The following RBFOX1 variants were observed in gnomAD, a reference collection of about 807,000 sequenced individuals.
RBFOX1 encodes the protein RNA binding fox-1 homolog 1, also known as RNA binding protein fox-1 homolog 1.
A neutral mutation model predicts 57.7 loss-of-function variants in RBFOX1; 8 were observed. The ratio of observed to expected loss-of-function variants is 0.14; its 90% CI spans 0.08 to 0.25. The LOEUF is 0.25. Ranked by LOEUF, RBFOX1 falls within the 10% of genes least tolerant of loss-of-function variation. RBFOX1 has a pLI of 1.00. For missense variants in RBFOX1, 611 were observed against 548.5 expected, an observed-to-expected ratio of 1.11 and a Z score of -1.14; for synonymous variants, 326 against 222.4, an observed-to-expected ratio of 1.47 and a Z score of -4.15.
chr16:5,296,449 G>T (rs1247942540), intron 1 of RBFOX1, among the ~76,000 whole-genome samples: 1 of 152,050 alleles, frequency 6.6e-6, no homozygotes, highest in African/African-American at 2.4e-5. Context: ...TAATTGAAAA[G>T]TATGTGGATG....
At position 5,647,183 on chromosome 16, in the gene RBFOX1, G is replaced by A. The variant is rs563654098; in HGVS notation, c.318+48222G>A. ...GACCAGTGATATGTGGGTGGCATGT[G>A]CACCGTTTCACTGAATATGAACCCC... On this transcript the variant is annotated intron_variant, in intron 3 of 19. Coordinates refer to the RBFOX1 transcript ENST00000641259. Among the ~76,000 whole-genome samples, 6 of 152,298 alleles carry A rather than the reference G, an allele frequency of 3.9e-5. No homozygotes were observed. The South Asian group carries it at 1.2e-3, about 32-fold the overall frequency.
chr16:5,663,788 G>C (rs2049739820), intron 3 of RBFOX1, among the ~76,000 whole-genome samples: 2 of 152,188 alleles, frequency 1.3e-5, no homozygotes, highest in Non-Finnish European at 2.9e-5. Context: ...GTCTGTATTT[G>C]TCCCAGCCTC....
At chr16:7,154,717 G>A (rs1350191166) in intron 4 of RBFOX1, among the ~76,000 whole-genome samples, 1 of 110,350 alleles carries the variant, frequency 9.1e-6, no homozygotes, top group African/African-American at 2.7e-5. Context: ...GTGTGTGTGT[G>A]TGTGTGTGTG....
chr16:6,145,308 T>A (rs1312544766), intron 1 of RBFOX1, among the ~76,000 whole-genome samples: 1 of 152,116 alleles, frequency 6.6e-6, no homozygotes, highest in Non-Finnish European at 1.5e-5. Flanking sequence ...GTTCCTCCAT[T>A]AGTTTGCTAA....
intron 1 of RBFOX1, among the ~76,000 whole-genome samples, chr16:5,446,558 C>CCTT (rs1204462685): frequency 6.6e-6 from 1 of 152,104 alleles, no homozygotes; most frequent in Non-Finnish European, 1.5e-5. Context: ...TCCTCCTCCT[C>CCTT]CTGTTTTTCT....
chr16:5,597,340 G>T (rs914208232), intron 2 of RBFOX1, among the ~76,000 whole-genome samples: 3 of 143,222 alleles, frequency 2.1e-5, no homozygotes, highest in Non-Finnish European at 4.5e-5. Context: ...AGACACACAC[G>T]ACCCTCTCTC....
At chr16:6,368,318 G>A (rs144096512) in intron 2 of RBFOX1, among the ~76,000 whole-genome samples, 69 of 152,272 alleles carry the variant, frequency 4.5e-4, no homozygotes, top group African/African-American at 1.6e-3. Flanking sequence ...CCAAACCCCA[G>A]GAATCTTCAG....
chr16:6,967,289 C>T (rs1251294032), intron 3 of RBFOX1, among the ~76,000 whole-genome samples: 1 of 136,580 alleles, frequency 7.3e-6, no homozygotes, highest in Non-Finnish European at 1.5e-5. Context: ...ATCCATTATC[C>T]ATCCATTATT....
intron 1 of RBFOX1, among the ~76,000 whole-genome samples, chr16:5,299,110 C>G (rs1446920193): frequency 6.6e-6 from 1 of 151,176 alleles, no homozygotes; most frequent in African/African-American, 2.4e-5. Flanking sequence ...GGGGCAACCA[C>G]TGTTCTAACA....
chr16:6,295,526 T>C (rs1304659436), intron 1 of RBFOX1, among the ~76,000 whole-genome samples: 6 of 152,204 alleles, frequency 3.9e-5, no homozygotes, highest in African/African-American at 1.2e-4. Flanking sequence ...TAGCCTGTAG[T>C]TGGGTTTGAA....
intron 1 of RBFOX1, among the ~76,000 whole-genome samples, chr16:5,285,998 C>G (rs1183352782): frequency 6.6e-6 from 1 of 152,140 alleles, no homozygotes; most frequent in Non-Finnish European, 1.5e-5. Flanking sequence ...TCTCGAACTC[C>G]TCACCTCGTG....
At position 6,478,429 on chromosome 16, in the gene RBFOX1, A is replaced by ATTTT. The variant is rs58352204; in HGVS notation, c.-64+161387_-64+161390dup. 9.4e-3 allele frequency among the ~76,000 whole-genome samples: 230 copies of ATTTT among 24,524 alleles called. 19 individuals are homozygous for ATTTT. Among genetic ancestry groups the ATTTT allele is most frequent in the Middle Eastern group, 0.05 (1 of 20 alleles). The allele number at this position is 24,524 out of a possible 152,430, so 16.1% of individuals were successfully genotyped here. A position where few individuals can be genotyped will look rare whatever the true frequency, so the allele number is the denominator to read the frequency against. Reference sequence around the variant, plus strand: ...TATATATATATATATATATATATATATTTTTTTTTTTTTTTTTTGTATTTT... The same window carrying ATTTT: ...TATATATATATATATATATATATATATTTTTTTTTTTTTTTTTTTTTTGTATTTT... On this transcript the variant is annotated intron_variant, in intron 2 of 15. Transcript: ENST00000550418.
At chr16:6,426,085 CCTCTCTCT>C (rs145432245) in intron 2 of RBFOX1, among the ~76,000 whole-genome samples, 3 of 141,454 alleles carry the variant, frequency 2.1e-5, no homozygotes, top group Admixed American at 6.9e-5. Flanking sequence ...TCATTTTCTC[CCTCTCTCT>C]CTCTCTCTCT....
chr16:7,527,993 A>G (rs548045150), intron 5 of RBFOX1, among the ~76,000 whole-genome samples: 11 of 152,354 alleles, frequency 7.2e-5, no homozygotes, highest in African/African-American at 1.2e-4. Context: ...ATGGTTTTCA[A>G]TCACTCATGT....
Position 5,385,901 on chromosome 16 carries a change from G to A in RBFOX1, c.220-81315G>A, listed in dbSNP as rs957511178. Among the ~76,000 whole-genome samples, 2 of 152,240 alleles carry A rather than the reference G, an allele frequency of 1.3e-5. 1 individual carries two copies. The highest frequency in any genetic ancestry group is 4.1e-4 in the South Asian group (2 of 4,828). ...CTCGTCTTTTGCTGGAGAGACAAGT[G>A]GGGGCAGGAGTGTGGATAAATCTGC... is the stretch of plus-strand genomic sequence containing the variant. On this transcript the variant is annotated intron_variant, in intron 1 of 2. Transcript: ENST00000585867.
chr16:5,889,753 T>C (rs2058000289), intron 4 of RBFOX1, among the ~76,000 whole-genome samples: 1 of 152,174 alleles, frequency 6.6e-6, no homozygotes, highest in African/African-American at 2.4e-5. Flanking sequence ...GGGGAAGGCC[T>C]CTTTGAGGAA....
At chr16:6,735,560 A>G (rs2069983062) in intron 3 of RBFOX1, among the ~76,000 whole-genome samples, 1 of 152,188 alleles carries the variant, frequency 6.6e-6, no homozygotes, top group South Asian at 2.1e-4. Flanking sequence ...TCTCGTCCCC[A>G]TGGATGTGAC....
intron 3 of RBFOX1, among the ~76,000 whole-genome samples, chr16:6,685,894 C>T (rs1372212188): frequency 6.6e-6 from 1 of 152,120 alleles, no homozygotes; most frequent in Admixed American, 6.5e-5. Context: ...TTCATGTCCT[C>T]TTCCATCATA....
chr16:7,128,015 T>C (rs957473204), intron 4 of RBFOX1, among the ~76,000 whole-genome samples: 10 of 152,222 alleles, frequency 6.6e-5, no homozygotes, highest in Non-Finnish European at 1.0e-4. Context: ...GGTTCTTTGC[T>C]GTTTCTTGGC....
Sources: allele counts gnomAD v4.1 joint callset (sites outside exome capture counted in the v4.1 genomes callset), GRCh38; gene constraint gnomAD v4.1.1; transcripts MANE v1.5; gene names NCBI Gene and HGNC (gene_info 2026-07-23, HGNC 2026-07-21).